ATXN7L1: variants seen among roughly 807,000 people sequenced by gnomAD.
ATXN7L1 encodes the protein ataxin 7 like 1.
ATXN7L1 carries 15 observed loss-of-function variants against 70.8 expected under a neutral mutation model. That is an observed-to-expected ratio of 0.21 (90% CI 0.14 to 0.33). The LOEUF (loss-of-function observed/expected upper bound fraction) is 0.33, where lower values mean the gene tolerates loss of function less well. Among genes scored for constraint, ATXN7L1 ranks in the 10% least tolerant of loss-of-function variants. The pLI, the probability that ATXN7L1 is intolerant of heterozygous loss-of-function variation, is 1.00. For missense variants in ATXN7L1, 975 were observed against 1,097.1 expected (o/e 0.89, Z 1.57); for synonymous variants, 440 against 445.1 (o/e 0.99, Z 0.14).
chr7:105,836,116 G>A lies in ATXN7L1; in HGVS notation c.250+39696C>T, dbSNP rs561683860. On this transcript the variant is annotated intron_variant, in intron 2 of 11. Coordinates refer to ENST00000419735, the MANE Select transcript of ATXN7L1 (RefSeq NM_020725.2). ...AAGTAGAACGGTGACAGCCAAGAGA[G>A]GCAGTGCCCCAAACCAGGAGGGCTG... Among the ~76,000 whole-genome samples, 3 of 152,304 alleles carry A rather than the reference G, an allele frequency of 2.0e-5. No individual in the cohort carries two copies. In the South Asian group the frequency reaches 6.2e-4, roughly 32 times the overall value.
intron 2 of ATXN7L1, among the ~76,000 whole-genome samples, chr7:105,790,935 T>C (rs1047987136): frequency 2.0e-5 from 3 of 152,174 alleles, no homozygotes; most frequent in Non-Finnish European, 4.4e-5. Context: ...CCTGTGTCTT[T>C]AATGAAACCC....
In ATXN7L1 at chr7:105,620,338, A is replaced by G. The variant is rs761912079; in HGVS notation, c.1396-17T>C. 1.3e-6 allele frequency: 2 copies of G among 1,535,280 alleles called. No homozygotes were observed. Among genetic ancestry groups the G allele is most frequent in the Non-Finnish European group, 8.8e-7 (1 of 1,140,792 alleles). On this transcript the variant is annotated splice_polypyrimidine_tract_variant and intron_variant, in intron 8 of 11. Transcript: ENST00000419735. ...TGAGCAAAACTGTGAGGAAAAAAAA[A>G]TTTTAATTTTGATTACAGGTTAATA...
At chr7:105,658,503 C>T (rs909907694) in intron 4 of ATXN7L1, among the ~76,000 whole-genome samples, 5 of 149,626 alleles carry the variant, frequency 3.3e-5, no homozygotes, top group African/African-American at 4.9e-5. Context: ...TTGACTAAAA[C>T]GCTGTTATGT....
At chr7:105,739,826 AC>A (rs752672489) in intron 3 of ATXN7L1, among the ~76,000 whole-genome samples, 3 of 152,136 alleles carry the variant, frequency 2.0e-5, no homozygotes, top group Non-Finnish European at 4.4e-5. Flanking sequence ...CGGCAACATG[AC>A]CTCTAGGTCT....
chr7:105,694,094 C>T (rs923597718), intron 3 of ATXN7L1, among the ~76,000 whole-genome samples: 8 of 150,616 alleles, frequency 5.3e-5, no homozygotes, highest in Non-Finnish European at 1.2e-4. Context: ...GTTGCCTAGG[C>T]TGGAGTGCAG....
chr7:105,834,731 G>A (rs1302808971), intron 2 of ATXN7L1, among the ~76,000 whole-genome samples: 2 of 152,140 alleles, frequency 1.3e-5, no homozygotes, highest in East Asian at 1.9e-4. Flanking sequence ...ACACACTGTA[G>A]GCTTGCAGAA....
intron 4 of ATXN7L1, among the ~76,000 whole-genome samples, chr7:105,658,492 G>A (rs552379773): frequency 2.7e-5 from 4 of 148,404 alleles, no homozygotes; most frequent in Non-Finnish European, 6.0e-5. Flanking sequence ...TGGGACTGCT[G>A]TTGACTAAAA....
At chr7:105,801,398 G>A (rs1806793649) in intron 2 of ATXN7L1, among the ~76,000 whole-genome samples, 1 of 152,202 alleles carries the variant, frequency 6.6e-6, no homozygotes, top group Admixed American at 6.5e-5. Flanking sequence ...TAGGAAATCA[G>A]ATTCTCTGGG....
intron 3 of ATXN7L1, among the ~76,000 whole-genome samples, chr7:105,730,601 AT>A (rs775233663): frequency 4.6e-5 from 7 of 152,224 alleles, no homozygotes; most frequent in Admixed American, 6.5e-5. Flanking sequence ...GCGTGGTGGC[AT>A]GTGCCTGTAA....
chr7:105,745,899 C>G (rs989659604), intron 3 of ATXN7L1, among the ~76,000 whole-genome samples: 5 of 152,208 alleles, frequency 3.3e-5, no homozygotes, highest in African/African-American at 1.2e-4. Flanking sequence ...GGTCCACACT[C>G]CTATATCCAA....
intron 7 of ATXN7L1, among the ~76,000 whole-genome samples, chr7:105,633,562 T>C (rs1796919023): frequency 6.6e-6 from 1 of 151,878 alleles, no homozygotes; most frequent in South Asian, 2.1e-4. Flanking sequence ...CTACTAAAAA[T>C]ACAAAAATTA....
chr7:105,732,078 G>A (rs1241810547), intron 3 of ATXN7L1, among the ~76,000 whole-genome samples: 1 of 152,064 alleles, frequency 6.6e-6, no homozygotes, highest in Non-Finnish European at 1.5e-5. Context: ...GGGGGACAAA[G>A]TGAAACTCTG....
chr7:105,747,189 C>A (rs1043794882), intron 3 of ATXN7L1, among the ~76,000 whole-genome samples: 11 of 152,166 alleles, frequency 7.2e-5, no homozygotes, highest in African/African-American at 2.7e-4. Flanking sequence ...AAGACCAAGG[C>A]AGGATTAGAG....
At position 105,605,995 on chromosome 7, in the gene ATXN7L1, G is replaced by T. The variant is rs1020446553; in HGVS notation, c.*1857C>A. 6.6e-6 allele frequency: 1 copy of T among 151,112 alleles called. No individual in the cohort carries two copies. Among genetic ancestry groups the T allele is most frequent in the Middle Eastern group, 3.2e-3 (1 of 316 alleles). The allele number at this position is 151,112 out of a possible 1,614,324, so 9.4% of individuals were successfully genotyped here. A position where few individuals can be genotyped will look rare whatever the true frequency, so the allele number is the denominator to read the frequency against. The stretch of plus-strand genomic sequence containing the variant: ...TATCTTCTAAACTTTTTTTCAAAGG[G>T]TCTAACCTTGTTTATAATTTCTTAA... On this transcript the variant is annotated 3_prime_UTR_variant, in exon 12 of 12. Coordinates refer to ENST00000419735, the MANE Select transcript of ATXN7L1 (RefSeq NM_020725.2).
At chr7:105,692,424 T>TCCCTCCCTCCCTCCCTCCTTCCTC in intron 3 of ATXN7L1, among the ~76,000 whole-genome samples, 1 of 88,176 alleles carries the variant, frequency 1.1e-5, no homozygotes, top group African/African-American at 4.4e-5. Context: ...CTTCCTTCCT[T>TCCCTCCCTCCCTCCCTCCTTCCTC]CCTCCCTCCC....
In ATXN7L1 at chr7:105,607,848, C is replaced by G. The variant is rs939452561; in HGVS notation, c.*4G>C. On this transcript the variant is annotated 3_prime_UTR_variant, in exon 12 of 12. Coordinates refer to ENST00000419735, the MANE Select transcript of ATXN7L1 (RefSeq NM_020725.2). The stretch of plus-strand genomic sequence containing the variant: ...ATTGATGTGGAAGTGGCTTCATAGT[C>G]TTGTTATGGAAGAGTCCTTATCCTG... 1.9e-6 allele frequency: 3 copies of G among 1,551,668 alleles called. No individual in the cohort carries two copies. The highest frequency in any genetic ancestry group is 1.7e-6 in the Non-Finnish European group (2 of 1,146,802).
chr7:105,676,437 G>T (rs1207701696), intron 3 of ATXN7L1, among the ~76,000 whole-genome samples: 6 of 152,218 alleles, frequency 3.9e-5, no homozygotes, highest in Admixed American at 3.9e-4. Flanking sequence ...CGCCCCCAGA[G>T]CACTGATGGG....
chr7:105,733,482 C>CCATCCATCTACCCATCCATCCATT (rs1554444246), intron 3 of ATXN7L1, among the ~76,000 whole-genome samples: 10 of 149,790 alleles, frequency 6.7e-5, no homozygotes, highest in African/African-American at 1.5e-4. Flanking sequence ...TCCAGGAGGT[C>CCATCCATCTACCCATCCATCCATT]CATCCATCCA....
intron 3 of ATXN7L1, among the ~76,000 whole-genome samples, chr7:105,703,484 T>A (rs990734331): frequency 3.3e-5 from 5 of 152,220 alleles, no homozygotes; most frequent in Non-Finnish European, 5.9e-5. Flanking sequence ...AGTTTTTCTG[T>A]TATCCATATT....
Sources: gnomAD v4.1 joint callset for allele counts (sites outside exome capture counted in the v4.1 genomes callset) on GRCh38, gnomAD v4.1.1 for gene constraint, MANE v1.5 for transcripts, NCBI Gene and HGNC (gene_info 2026-07-23, HGNC 2026-07-21) for gene names.